Variants in GRM5 observed in about 807,000 individuals in gnomAD.
The protein encoded by GRM5 is metabotropic glutamate receptor 5.
A neutral mutation model predicts 83.1 loss-of-function variants in GRM5; 19 were observed. That is an observed-to-expected ratio of 0.23 (90% CI 0.16 to 0.34). The LOEUF is 0.34. GRM5 is among the 10% of genes least tolerant of loss of function. GRM5 has a pLI of 1.00. For missense variants in GRM5, 1,160 were observed against 1,588.3 expected, an observed-to-expected ratio of 0.73 and a Z score of 4.58; for synonymous variants, 675 against 633.6, an observed-to-expected ratio of 1.07 and a Z score of -0.98.
rs531737962 is a variant in GRM5, at chr11:88,664,483, G to A, written c.912-11080C>T. Among the ~76,000 whole-genome samples, 67 of 151,058 alleles carry A rather than the reference G, an allele frequency of 4.4e-4. 1 individual carries two copies. Among genetic ancestry groups the A allele is most frequent in the Non-Finnish European group, 1.6e-4 (11 of 67,800 alleles). On this transcript the variant is annotated intron_variant, in intron 3 of 9. Coordinates refer to ENST00000305447, the MANE Select transcript of GRM5 (RefSeq NM_001143831.3). ...TTAAAGATAGAATCTTAAAAATCTT[G>A]CTGCCCAGGCTGGAATGCAATGGCA...
rs570300304 is a variant in GRM5, at chr11:88,740,484, C to T, written c.912-87081G>A. ...GTTGGGTACTGTTCTCAGTATTCCA[C>T]TTGTTTCAACTATTAATTGTCATAG... On this transcript the variant is annotated intron_variant, in intron 3 of 9. Coordinates refer to ENST00000305447, the MANE Select transcript of GRM5 (RefSeq NM_001143831.3). Among the ~76,000 whole-genome samples, 7 of 152,062 alleles carry T rather than the reference C, an allele frequency of 4.6e-5. No homozygotes were observed. In the East Asian group the frequency reaches 1.2e-3, roughly 25 times the overall value.
At chr11:88,518,528 A>T (rs1372637174) in intron 9 of GRM5, among the ~76,000 whole-genome samples, 1 of 152,054 alleles carries the variant, frequency 6.6e-6, no homozygotes, top group Non-Finnish European at 1.5e-5. Flanking sequence ...AAATGGTTTC[A>T]GGGTCAAATA....
intron 3 of GRM5, among the ~76,000 whole-genome samples, chr11:88,706,376 T>C (rs886519949): frequency 6.6e-6 from 1 of 152,076 alleles, no homozygotes; most frequent in African/African-American, 2.4e-5. Context: ...TTGCACTATA[T>C]TGTAATTTTC....
At chr11:88,635,810 T>A (rs564310990) in intron 4 of GRM5, among the ~76,000 whole-genome samples, 153 of 152,274 alleles carry the variant, frequency 1.0e-3, no homozygotes, top group Non-Finnish European at 1.7e-3. Context: ...TAGTTTTATG[T>A]TTCTAGGTCT....
rs1938986247 is a variant in GRM5, at chr11:88,632,065, C to T, written c.1147+21103G>A. On this transcript the variant is annotated intron_variant, in intron 4 of 9. Coordinates refer to ENST00000305447, the MANE Select transcript of GRM5 (RefSeq NM_001143831.3). ...ATAAGTTTTCACACATGTATACTCT[C>T]ATGAAACCACACAAAAGTCAAGATA... Among the ~76,000 whole-genome samples, 4 of 152,164 alleles carry T rather than the reference C, an allele frequency of 2.6e-5. No homozygotes were observed. The South Asian group carries it at 8.3e-4, about 32-fold the overall frequency.
At chr11:88,547,621 T>G (rs1591338991) in intron 8 of GRM5, among the ~76,000 whole-genome samples, 1 of 152,294 alleles carries the variant, frequency 6.6e-6, no homozygotes, top group East Asian at 1.9e-4. Flanking sequence ...ATTCTATACC[T>G]GATTCCATCT....
chr11:88,822,096 A>G (rs1379686532), intron 3 of GRM5, among the ~76,000 whole-genome samples: 3 of 152,184 alleles, frequency 2.0e-5, no homozygotes, highest in Non-Finnish European at 4.4e-5. Context: ...GACTTCATAT[A>G]CCACATATTT....
At position 88,656,025 on chromosome 11, in the gene GRM5, G is replaced by A. The variant is rs58804825; in HGVS notation, c.912-2622C>T. Among the ~76,000 whole-genome samples the A allele has an allele frequency of 1.5e-3, 229 of 152,008 alleles. 2 individuals are homozygous for A. The highest frequency in any genetic ancestry group is 5.4e-3 in the African/African-American group (223 of 41,484). On this transcript the variant is annotated intron_variant, in intron 3 of 9. Coordinates refer to ENST00000305447, the MANE Select transcript of GRM5 (RefSeq NM_001143831.3). ...TTTTAAGATTTGCATTAAGATGATA[G>A]GGCATCTTTAAGTATGATGCAATAA...
chr11:88,576,099 A>C (rs1943104153), intron 7 of GRM5, among the ~76,000 whole-genome samples: 1 of 152,222 alleles, frequency 6.6e-6, no homozygotes, highest in African/African-American at 2.4e-5. Context: ...CACATGGATA[A>C]GAGTGGAAAA....
intron 2 of GRM5, among the ~76,000 whole-genome samples, chr11:88,987,645 G>T (rs7478753): frequency 6.6e-6 from 1 of 151,608 alleles, no homozygotes; most frequent in Non-Finnish European, 1.5e-5. Flanking sequence ...GGTTCTCCCA[G>T]CACGCAGCTG....
Position 89,047,684 on chromosome 11 carries a change from C to G in GRM5, c.189G>C (p.Gln63His), listed in dbSNP as rs79165784. 1 of 1,614,122 alleles carries G rather than the reference C, an allele frequency of 6.2e-7. No individual in the cohort carries two copies. Among genetic ancestry groups the G allele is most frequent in the Non-Finnish European group, 8.5e-7 (1 of 1,180,000 alleles). Residue 63 changes from glutamine to histidine, a missense_variant, in exon 2 of 10, where the codon CAG becomes CAC. Gln to His is a conservative substitution (Grantham distance 24). Coordinates refer to ENST00000305447, the MANE Select transcript of GRM5 (RefSeq NM_001143831.3). This position sits in a 1 kb window ranked among gnomAD's most constrained non-coding sequence, Gnocchi z 5.1. ...HERKCGAVRE[Q>H]YGIQRVEAML... ...TGGCCTCCACTCTCTGAATGCCATA[C>G]TGTTCACGGACCGCCCCACACTTCC...
rs200875338 is a variant in GRM5, at chr11:88,940,121, C to T, written c.662-89966G>A. 3.3e-4 allele frequency among the ~76,000 whole-genome samples: 50 copies of T among 151,988 alleles called. No individual in the cohort carries two copies. In the East Asian group the frequency reaches 8.9e-3, roughly 27 times the overall value. ...AGGGTTCTTAACACAAAATTAAATA[C>T]GCCTGCCCAAATGAATCAGATTCAG... On this transcript the variant is annotated intron_variant, in intron 2 of 9. Transcript: ENST00000305447.
intron 3 of GRM5, among the ~76,000 whole-genome samples, chr11:88,839,304 A>C (rs1364355549): frequency 6.6e-6 from 1 of 152,204 alleles, no homozygotes; most frequent in East Asian, 1.9e-4. Context: ...CAAGAGTAAA[A>C]ATATTTTCAA....
At chr11:88,769,293 TATAG>T (rs1355166394) in intron 3 of GRM5, among the ~76,000 whole-genome samples, 2 of 152,050 alleles carry the variant, frequency 1.3e-5, no homozygotes, top group Non-Finnish European at 2.9e-5. Context: ...TTCAACTTAA[TATAG>T]ATATAGATCG....
At chr11:88,837,211 T>C (rs1334276430) in intron 3 of GRM5, among the ~76,000 whole-genome samples, 1 of 152,170 alleles carries the variant, frequency 6.6e-6, no homozygotes, top group African/African-American at 2.4e-5. Context: ...TCTTATACTG[T>C]AAGGACAAAA....
intron 3 of GRM5, among the ~76,000 whole-genome samples, chr11:88,815,434 T>C (rs1943658923): frequency 6.6e-6 from 1 of 152,206 alleles, no homozygotes; most frequent in South Asian, 2.1e-4. Flanking sequence ...GGGCATTATA[T>C]GCTATATTAG....
chr11:88,564,832 A>AAAAATCAAAGCAT (rs1349053880), intron 8 of GRM5, among the ~76,000 whole-genome samples: 50 of 152,302 alleles, frequency 3.3e-4, no homozygotes, highest in Non-Finnish European at 3.1e-4. Context: ...CAGAATGGCA[A>AAAAATCAAAGCAT]AGAGCTGGAC....
chr11:88,845,652 C>A (rs1013685012), intron 3 of GRM5, among the ~76,000 whole-genome samples: 2 of 151,656 alleles, frequency 1.3e-5, no homozygotes, highest in African/African-American at 2.4e-5. Context: ...CCAGGATGGT[C>A]TTGATCTCCT....
At chr11:88,781,056 G>A (rs1302226695) in intron 3 of GRM5, among the ~76,000 whole-genome samples, 1 of 150,950 alleles carries the variant, frequency 6.6e-6, no homozygotes, top group Non-Finnish European at 1.5e-5. Flanking sequence ...ATGGCATATA[G>A]AGCTGGAAAA....
Sources: allele counts gnomAD v4.1 joint callset (sites outside exome capture counted in the v4.1 genomes callset), GRCh38; gene constraint gnomAD v4.1.1; non-coding constraint Gnocchi (gnomAD v3.1); transcripts MANE v1.5; gene names NCBI Gene and HGNC (gene_info 2026-07-23, HGNC 2026-07-21).